Variants in COQ5 observed in about 807,000 individuals in gnomAD.
The protein encoded by COQ5 is 2-methoxy-6-polyprenyl-1,4-benzoquinol methylase, mitochondrial.
In COQ5, 27 loss-of-function variants were observed where a neutral mutation model predicts 40.5. That is an observed-to-expected ratio of 0.67 (90% CI 0.49 to 0.92). The LOEUF (loss-of-function observed/expected upper bound fraction) is 0.92. Among genes scored for constraint, COQ5 ranks in the 40% least tolerant of loss-of-function variants. COQ5 has a pLI of 0.00. For synonymous variants in COQ5, 141 were observed against 150.0 expected, an observed-to-expected ratio of 0.94 and a Z score of 0.44; for missense variants, 409 against 406.4, an observed-to-expected ratio of 1.01 and a Z score of -0.06.
At chr12:120,525,940 AAATAAAT>A (rs1869921029) in intron 1 of COQ5, among the ~76,000 whole-genome samples, 2 of 152,284 alleles carry the variant, frequency 1.3e-5, no homozygotes, top group Admixed American at 1.3e-4. Flanking sequence ...AAATAAATAT[AAATAAAT>A]AAATAAATAA....
chr12:120,504,631 T>A, intron 5 of COQ5: 1 of 450,014 alleles, frequency 2.2e-6, no homozygotes, highest in Admixed American at 3.4e-5. Flanking sequence ...ACTAATAAGT[T>A]CTGATAACCC....
At chr12:120,508,736 AT>A (rs1380917393) in intron 4 of COQ5, among the ~76,000 whole-genome samples, 2 of 152,004 alleles carry the variant, frequency 1.3e-5, no homozygotes, top group Non-Finnish European at 2.9e-5. Flanking sequence ...CTATTAAAAA[AT>A]TTTTTTCCCC....
chr12:120,513,389 C>G (rs1383120005), intron 3 of COQ5, among the ~76,000 whole-genome samples: 2 of 150,766 alleles, frequency 1.3e-5, no homozygotes. Flanking sequence ...GTAGTCCCAG[C>G]TGCTGCGGAG....
chr12:120,529,133 G>A lies in COQ5; in HGVS notation c.9C>T (p.Ala3=), dbSNP rs760988052. MA[A]PGSCALWSYC... ...AGCTCCATAGAGCACAGCTCCCGGGGGCCGCCATCTTGGTAGTCGAGTGAC... is the reference window on the plus strand; with the variant it reads ...AGCTCCATAGAGCACAGCTCCCGGGAGCCGCCATCTTGGTAGTCGAGTGAC... Residue 3 remains alanine, a synonymous_variant, in exon 1 of 7, where the codon GCC becomes GCT. Coordinates refer to ENST00000288532, the MANE Select transcript of COQ5 (RefSeq NM_032314.4). 1.2e-5 allele frequency: 20 copies of A among 1,613,322 alleles called. No individual in the cohort carries two copies. In the East Asian group the frequency reaches 2.5e-4, roughly 20 times the overall value.
chr12:120,516,415 C>A, intron 3 of COQ5, 152 bp downstream of exon 3: 1 of 756,654 alleles, frequency 1.3e-6, no homozygotes, highest in South Asian at 1.4e-5. Flanking sequence ...TAACAGCACA[C>A]AAACTAGATT....
intron 5 of COQ5, chr12:120,504,511 G>A (rs1326620242): frequency 3.4e-6 from 1 of 294,070 alleles, no homozygotes; most frequent in Non-Finnish European, 6.4e-6. Flanking sequence ...GCCTCCCAAA[G>A]TGCTGGGATT....
Position 120,529,036 on chromosome 12 carries a change from C to G in COQ5, c.106G>C (p.Asp36His). The part of the protein sequence containing the change: ...LLGLRSSWPG[D>H]LLSARLLSQE... Reference sequence around the variant, plus strand: ...GACAAGAGCCGAGCACTTAGTAGGTCCCCGGGCCAAGAGCTACGAAGCCCG... The same window carrying G: ...GACAAGAGCCGAGCACTTAGTAGGTGCCCGGGCCAAGAGCTACGAAGCCCG... Residue 36 changes from aspartate to histidine, a missense_variant, in exon 1 of 7, where the codon GAC becomes CAC. Coordinates refer to ENST00000288532, the MANE Select transcript of COQ5 (RefSeq NM_032314.4). 6.2e-7 allele frequency: 1 copy of G among 1,614,100 alleles called. No homozygotes were observed. The highest frequency in any genetic ancestry group is 1.7e-5 in the Admixed American group (1 of 59,996).
chr12:120,504,015 C>T lies in COQ5; in HGVS notation c.837G>A (p.Lys279=), dbSNP rs555169115. 7.4e-6 allele frequency: 12 copies of T among 1,613,762 alleles called. No individual in the cohort carries two copies. In the East Asian group the frequency reaches 2.2e-4, roughly 30 times the overall value. The stretch of plus-strand genomic sequence containing the variant: ...TACTCTCTACAAGGTACTGATAGGA[C>T]TTCCAGTCTCCAGCGATGACCTCTC... ...VLGEVIAGDW[K]SYQYLVESIR... is the part of the protein sequence containing the mutation. Residue 279 remains lysine (K), a synonymous_variant, in exon 6 of 7, where the codon AAG becomes AAA. Transcript: ENST00000288532.
chr12:120,528,075 G>T (rs907309156), intron 1 of COQ5, among the ~76,000 whole-genome samples: 1 of 146,502 alleles, frequency 6.8e-6, no homozygotes, highest in South Asian at 2.2e-4. Flanking sequence ...AGTGGCAGAT[G>T]CCTGTAATCC....
intron 1 of COQ5, chr12:120,527,074 T>C (rs1412236244): frequency 6.6e-6 from 1 of 151,486 alleles, no homozygotes; most frequent in Non-Finnish European, 1.5e-5. Context: ...GTTTCTAATT[T>C]TTTATTAGAA....
intron 3 of COQ5, among the ~76,000 whole-genome samples, chr12:120,514,028 A>G (rs1869265953): frequency 6.6e-6 from 1 of 152,160 alleles, no homozygotes; most frequent in African/African-American, 2.4e-5. Flanking sequence ...TATGCAATGG[A>G]AGAGATGATT....
At position 120,522,218 on chromosome 12, in the gene COQ5, G is replaced by A; in HGVS notation, c.348C>T (p.Gly116=). The A allele has an allele frequency of 6.2e-7, 1 of 1,614,130 alleles. No individual in the cohort carries two copies. Among genetic ancestry groups the A allele is most frequent in the Non-Finnish European group, 8.5e-7 (1 of 1,180,036 alleles). Residue 116 remains glycine (G), a synonymous_variant, in exon 2 of 7, where the codon GGC becomes GGT. Coordinates refer to ENST00000288532, the MANE Select transcript of COQ5 (RefSeq NM_032314.4). ...GGATACCAAACTCGACATTACCTGT[G>A]CCTCCAGCAACATCAAGCAGCTGGG... ...PGTQLLDVAG[G]TGDIAFRFLN...
At chr12:120,521,911 T>G (rs1310000232) in intron 2 of COQ5, among the ~76,000 whole-genome samples, 4 of 151,838 alleles carry the variant, frequency 2.6e-5, no homozygotes, top group African/African-American at 9.7e-5. Flanking sequence ...GCAGGAGAAT[T>G]GCTTGAACCT....
chr12:120,503,854 C>A lies in COQ5; in HGVS notation c.914G>T (p.Gly305Val). ...EEFKDMIEDA[G>V]FHKVTYESLT... The stretch of plus-strand genomic sequence containing the variant: ...ACTTTCGTAAGTCACCTTGTGAAAG[C>A]CTGCATCTTCTATCATGTCCTTGAA... Residue 305 changes from glycine (G) to valine (V), a missense_variant, in exon 7 of 7, where the codon GGC becomes GTC. Coordinates refer to ENST00000288532, the MANE Select transcript of COQ5 (RefSeq NM_032314.4). 1.2e-6 allele frequency: 2 copies of A among 1,614,104 alleles called. No individual in the cohort carries two copies. The highest frequency in any genetic ancestry group is 1.7e-6 in the Non-Finnish European group (2 of 1,179,938).
At chr12:120,527,892 C>T (rs1870025304) in intron 1 of COQ5, among the ~76,000 whole-genome samples, 2 of 142,790 alleles carry the variant, frequency 1.4e-5, no homozygotes, top group Admixed American at 7.5e-5. Context: ...GAGGCTGAGG[C>T]AGGAGAATGG....
chr12:120,527,665 A>T (rs1870012473), intron 1 of COQ5, among the ~76,000 whole-genome samples: 2 of 152,052 alleles, frequency 1.3e-5, no homozygotes, highest in Non-Finnish European at 2.9e-5. Flanking sequence ...TGTTGATTAT[A>T]CATTGATTAT....
chr12:120,512,011 ACCATCCGGGCT>A, intron 3 of COQ5, among the ~76,000 whole-genome samples: 1 of 151,934 alleles, frequency 6.6e-6, no homozygotes, highest in Admixed American at 6.6e-5. Context: ...GGAGTTCAAG[ACCATCCGGGCT>A]AACACGGTGA....
intron 1 of COQ5, among the ~76,000 whole-genome samples, chr12:120,527,830 AC>A (rs1870021396): frequency 6.6e-6 from 1 of 151,436 alleles, no homozygotes; most frequent in African/African-American, 2.4e-5. Context: ...AAAAAAAAAT[AC>A]AAAAAATTAG....
chr12:120,507,856 T>C (rs1868949786), intron 4 of COQ5, among the ~76,000 whole-genome samples: 1 of 148,914 alleles, frequency 6.7e-6, no homozygotes, highest in African/African-American at 2.4e-5. Flanking sequence ...CACTGCACTC[T>C]AGCCTGGGTG....
Sources: allele counts gnomAD v4.1 joint callset (sites outside exome capture counted in the v4.1 genomes callset), GRCh38; gene constraint gnomAD v4.1.1; transcripts MANE v1.5; gene names NCBI Gene and HGNC (gene_info 2026-07-23, HGNC 2026-07-21).